TMEM202: variants seen among roughly 807,000 people sequenced by gnomAD.
TMEM202 encodes the protein transmembrane protein 202.
Under a neutral mutation model 26.1 loss-of-function variants are expected in TMEM202, and 25 were observed. That is an observed-to-expected ratio of 0.96 (90% CI 0.70 to 1.34). TMEM202 has a LOEUF of 1.34. Among genes scored for constraint, TMEM202 ranks in the 40% most tolerant of loss-of-function variants. The pLI is 0.00. For synonymous variants in TMEM202, 122 were observed against 119.0 expected, an observed-to-expected ratio of 1.02 and a Z score of -0.16; for missense variants, 301 against 327.7, an observed-to-expected ratio of 0.92 and a Z score of 0.63.
intron 2 of TMEM202, among the ~76,000 whole-genome samples, chr15:72,404,452 G>A (rs2063562418): frequency 6.6e-6 from 1 of 152,006 alleles, no homozygotes; most frequent in Admixed American, 6.6e-5. Flanking sequence ...TGGCTCAGAA[G>A]AATAACATAG....
At chr15:72,407,670 C>T (rs1026613195) in intron 4 of TMEM202, 21 bp from the exon 5 acceptor site, 1 of 1,612,018 alleles carries the variant, frequency 6.2e-7, no homozygotes, top group Non-Finnish European at 8.5e-7. Context: ...AACCTCACCT[C>T]AAATTATTCC....
At chr15:72,402,026 C>T (rs947907445) in intron 2 of TMEM202, among the ~76,000 whole-genome samples, 4 of 152,054 alleles carry the variant, frequency 2.6e-5, no homozygotes, top group East Asian at 1.9e-4. Flanking sequence ...AGTGCAGTGG[C>T]GCGATCTTGG....
chr15:72,398,806 T>G lies in TMEM202; in HGVS notation c.235T>G (p.Trp79Gly). The G allele has an allele frequency of 6.2e-7, 1 of 1,614,172 alleles. No individual in the cohort carries two copies. ...GCTGATCGCCATGTCCCCACTGAACTGGGTACAGTTTCTGGTGATCAAGAA... is the reference window on the plus strand; with the variant it reads ...GCTGATCGCCATGTCCCCACTGAACGGGGTACAGTTTCTGGTGATCAAGAA... ...LMLIAMSPLN[W>G]VQFLVIKNGL... Residue 79 changes from tryptophan to glycine, a missense_variant, in exon 2 of 5, where the codon TGG becomes GGG. By Grantham distance (184) the Trp-to-Gly change is radical (BLOSUM62 -2). Transcript: ENST00000341689.
chr15:72,403,120 T>A (rs886294564), intron 2 of TMEM202, among the ~76,000 whole-genome samples: 5 of 152,158 alleles, frequency 3.3e-5, no homozygotes, highest in African/African-American at 1.2e-4. Flanking sequence ...ATCCCGCCCA[T>A]TATTTACAAA....
At chr15:72,405,468 C>T (rs2063566572) in intron 2 of TMEM202, among the ~76,000 whole-genome samples, 1 of 152,218 alleles carries the variant, frequency 6.6e-6, no homozygotes, top group Non-Finnish European at 1.5e-5. Context: ...CATATCCCCG[C>T]TGCTCTCTTA....
At chr15:72,405,575 A>G (rs748776631) in intron 2 of TMEM202, among the ~76,000 whole-genome samples, 14 of 152,208 alleles carry the variant, frequency 9.2e-5, no homozygotes, top group Non-Finnish European at 1.3e-4. Context: ...AGCAACTTGA[A>G]CAAATATGAG....
chr15:72,405,409 G>A lies in TMEM202; in HGVS notation c.338-1193G>A, dbSNP rs549916833. Reference sequence around the variant, plus strand: ...TCAGTAAAATATTGATGGGGAAGTCGAAGAACCTGTTCCATCTTAGGGATG... The same window carrying A: ...TCAGTAAAATATTGATGGGGAAGTCAAAGAACCTGTTCCATCTTAGGGATG... On this transcript the variant is annotated intron_variant, in intron 2 of 4. Coordinates refer to ENST00000341689, the MANE Select transcript of TMEM202 (RefSeq NM_001080462.3). 3.9e-5 allele frequency among the ~76,000 whole-genome samples: 6 copies of A among 152,258 alleles called. 1 individual carries two copies. Among genetic ancestry groups the A allele is most frequent in the East Asian group, 3.9e-4 (2 of 5,184 alleles).
chr15:72,400,280 C>A (rs748298293), intron 2 of TMEM202, among the ~76,000 whole-genome samples: 62 of 152,276 alleles, frequency 4.1e-4, no homozygotes, highest in Non-Finnish European at 7.4e-4. Flanking sequence ...TAACCTCAAT[C>A]ATTAAAGAAA....
rs1246285577 is a variant in TMEM202, at chr15:72,406,942, T to TTC, written c.488-139_488-138dup. 96 of 1,249,226 alleles carry TTC rather than the reference T, an allele frequency of 7.7e-5. 4 individuals carry two copies. In the South Asian group the frequency reaches 1.4e-3, roughly 18 times the overall value. The allele number at this position is 1,249,226 out of a possible 1,614,324, so 77.4% of individuals were successfully genotyped here. A position where few individuals can be genotyped will look rare whatever the true frequency, so the allele number is the denominator to read the frequency against. On this transcript the variant is annotated intron_variant, in intron 3 of 4. Coordinates refer to ENST00000341689, the MANE Select transcript of TMEM202 (RefSeq NM_001080462.3). Reference sequence around the variant, plus strand: ...CTGACTTTACCAGGGTATAGAGCCTTTCTCTCATCTTGGTCAGTCCCCAGG... The same window carrying TTC: ...CTGACTTTACCAGGGTATAGAGCCTTTCTCTCTCATCTTGGTCAGTCCCCAGG...
intron 2 of TMEM202, among the ~76,000 whole-genome samples, chr15:72,405,984 G>A (rs147090464): frequency 3.7e-4 from 56 of 152,250 alleles, no homozygotes; most frequent in African/African-American, 9.1e-4. Context: ...AGGCTGACAA[G>A]GCCTGTACAT....
In TMEM202 at chr15:72,407,826, C is replaced by T; in HGVS notation, c.755C>T (p.Pro252Leu). 1 of 1,614,028 alleles carries T rather than the reference C, an allele frequency of 6.2e-7. No homozygotes were observed. The highest frequency in any genetic ancestry group is 8.5e-7 in the Non-Finnish European group (1 of 1,179,996). The stretch of plus-strand genomic sequence containing the variant: ...GTATCACCTGCTAAAGATGAAGGGC[C>T]AAGGTCTGAGATGGAATCTCTAAGT... Reference protein sequence around the residue: ...TTVSPAKDEGPRSEMESLSVR... With the variant: ...TTVSPAKDEGLRSEMESLSVR... The change falls in exon 5 of 5, where the codon CCA becomes CTA. Residue 252 changes from proline (P) to leucine (L), a missense_variant. Transcript: ENST00000341689.
rs1459573949 is a variant in TMEM202 at position 72,407,997 on chromosome 15, T to G, written c.*104T>G. The stretch of plus-strand genomic sequence containing the variant: ...TCTCCTAATATCATGTCCATATTAC[T>G]TGAGGAGACAGCATTAAAGCTGATG... On this transcript the variant is annotated 3_prime_UTR_variant, in exon 5 of 5. Transcript: ENST00000341689. 2.3e-6 allele frequency: 2 copies of G among 881,408 alleles called. No individual in the cohort carries two copies. The highest frequency in any genetic ancestry group is 4.9e-5 in the Admixed American group (2 of 40,890). 54.6% of individuals were successfully genotyped at this position (881,408 alleles called of 1,614,324 possible).
In TMEM202 at chr15:72,407,179, A is replaced by T; in HGVS notation, c.581A>T (p.Tyr194Phe). ...AMESDLLWTYYLNWCSDIFYM... is the reference protein window; with the variant it reads ...AMESDLLWTYFLNWCSDIFYM... Reference sequence around the variant, plus strand: ...GAGTCAGATCTCCTATGGACCTATTATCTTAACTGGTGCAGTGACATCTTT... The same window carrying T: ...GAGTCAGATCTCCTATGGACCTATTTTCTTAACTGGTGCAGTGACATCTTT... The change falls in exon 4 of 5, where the codon TAT (tyrosine) becomes TTT (phenylalanine). Residue 194 changes from tyrosine to phenylalanine, a missense_variant. Coordinates refer to ENST00000341689, the MANE Select transcript of TMEM202 (RefSeq NM_001080462.3). The T allele has an allele frequency of 6.2e-7, 1 of 1,613,636 alleles. No homozygotes were observed.
At chr15:72,406,820 A>T in intron 3 of TMEM202, 69 bp downstream of exon 3, 4 of 1,522,878 alleles carry the variant, frequency 2.6e-6, no homozygotes, top group Non-Finnish European at 3.6e-6. Context: ...TTCTCTGTGG[A>T]ACTCTCATAC....
At chr15:72,402,230 T>G (rs2063550816) in intron 2 of TMEM202, among the ~76,000 whole-genome samples, 1 of 152,202 alleles carries the variant, frequency 6.6e-6, no homozygotes, top group Non-Finnish European at 1.5e-5. Flanking sequence ...CCTCCCAAAG[T>G]GCTCAGATTA....
intron 2 of TMEM202, among the ~76,000 whole-genome samples, chr15:72,403,672 A>G (rs544023274): frequency 4.6e-5 from 7 of 152,382 alleles, no homozygotes; most frequent in Non-Finnish European, 1.0e-4. Context: ...TTGGTGTTAC[A>G]GGAGATAGAA....
intron 3 of TMEM202, 25 bp from the exon 4 acceptor site, chr15:72,407,061 G>T (rs2063575572): frequency 6.2e-7 from 1 of 1,610,364 alleles, no homozygotes. Context: ...CTGATGGGTT[G>T]TGACATCTTT....
rs2063578471 is a variant in TMEM202, at chr15:72,407,561, T to C, written c.620-130T>C. Reference sequence around the variant, plus strand: ...TTAGAGCACAGGAGGGTAAAGTAACTCCACTGGGGGAGAGAGGGGTTCACT... The same window carrying C: ...TTAGAGCACAGGAGGGTAAAGTAACCCCACTGGGGGAGAGAGGGGTTCACT... On this transcript the variant is annotated intron_variant, in intron 4 of 4. Coordinates refer to ENST00000341689, the MANE Select transcript of TMEM202 (RefSeq NM_001080462.3). 5 of 770,662 alleles carry C rather than the reference T, an allele frequency of 6.5e-6. No individual in the cohort carries two copies. In the African/African-American group the frequency reaches 8.7e-5, roughly 13 times the overall value. The allele number at this position is 770,662 out of a possible 1,614,324, so 47.7% of individuals were successfully genotyped here. A position where few individuals can be genotyped will look rare whatever the true frequency, so the allele number is the denominator to read the frequency against.
At chr15:72,407,572 A>G (rs2063578596) in intron 4 of TMEM202, 119 bp from the exon 5 acceptor site, 2 of 829,776 alleles carry the variant, frequency 2.4e-6, no homozygotes, top group African/African-American at 3.4e-5. Context: ...CCACTGGGGG[A>G]GAGAGGGGTT....
Sources: gnomAD v4.1 joint callset for allele counts (sites outside exome capture counted in the v4.1 genomes callset) on GRCh38, gnomAD v4.1.1 for gene constraint, MANE v1.5 for transcripts, NCBI Gene and HGNC (gene_info 2026-07-23, HGNC 2026-07-21) for gene names.